Variants in SLC23A2 observed in about 807,000 individuals in gnomAD.
SLC23A2 encodes Na(+)/L-ascorbic acid transporter 2.
SLC23A2 carries 36 observed loss-of-function variants against 73.3 expected under a neutral mutation model. The ratio of observed to expected loss-of-function variants is 0.49; its 90% CI spans 0.38 to 0.65. SLC23A2 has a LOEUF of 0.65. Ranked by LOEUF, SLC23A2 falls within the 30% of genes least tolerant of loss-of-function variation. The pLI is 0.00. For missense variants in SLC23A2, 507 were observed against 841.6 expected (o/e 0.60, Z 4.92); for synonymous variants, 343 against 327.3 (o/e 1.05, Z -0.52).
intron 3 of SLC23A2, among the ~76,000 whole-genome samples, chr20:4,924,774 G>A (rs1932614725): frequency 6.6e-6 from 1 of 152,162 alleles, no homozygotes; most frequent in South Asian, 2.1e-4. Flanking sequence ...TTTCCTGGCC[G>A]CCTGAATTTT....
chr20:4,911,870 G>A (rs1407775644), intron 4 of SLC23A2, among the ~76,000 whole-genome samples: 2 of 151,724 alleles, frequency 1.3e-5, no homozygotes, highest in African/African-American at 2.4e-5. Context: ...TAGAGACAGG[G>A]TCTTACTCTG....
chr20:4,988,471 C>T (rs1208016449), intron 1 of SLC23A2, among the ~76,000 whole-genome samples: 4 of 151,942 alleles, frequency 2.6e-5, no homozygotes, highest in African/African-American at 9.7e-5. Context: ...GACACAGTGG[C>T]TCACACCTGT....
chr20:4,961,104 T>C (rs1388348261), intron 2 of SLC23A2, among the ~76,000 whole-genome samples: 1 of 149,702 alleles, frequency 6.7e-6, no homozygotes, highest in Non-Finnish European at 1.5e-5. Flanking sequence ...TTTTTTTTTC[T>C]TTTTCTTTTT....
intron 1 of SLC23A2, among the ~76,000 whole-genome samples, chr20:4,996,700 A>AAC (rs2088027129): frequency 7.0e-6 from 1 of 143,120 alleles, no homozygotes; most frequent in South Asian, 2.3e-4. Context: ...AAAAAAAAAA[A>AAC]AAAAAAAAAC....
At chr20:4,885,143 G>A (rs1486466339) in intron 7 of SLC23A2, among the ~76,000 whole-genome samples, 1 of 152,208 alleles carries the variant, frequency 6.6e-6, no homozygotes, top group East Asian at 1.9e-4. Flanking sequence ...CCGACAGCAA[G>A]GTTGCTGGAC....
Position 4,898,399 on chromosome 20 carries a change from C to T in SLC23A2, c.482+1156G>A, listed in dbSNP as rs141903611. Among the ~76,000 whole-genome samples, 1,052 of 152,348 alleles carry T rather than the reference C, an allele frequency of 6.9e-3. 10 individuals carry two copies. The highest frequency in any genetic ancestry group is 0.024 in the African/African-American group (984 of 41,584). On this transcript the variant is annotated intron_variant, in intron 6 of 16. Transcript: ENST00000338244. ...CCAAGGCTCCCCTATCCCCGTGCCG[C>T]GTTAGGGCAACCCTGAGGTCCCGAA...
At chr20:4,866,059 C>G (rs1476942360) in intron 13 of SLC23A2, among the ~76,000 whole-genome samples, 1 of 152,156 alleles carries the variant, frequency 6.6e-6, no homozygotes, top group Non-Finnish European at 1.5e-5. Flanking sequence ...TCTCGAACTC[C>G]TGACCTCAGG....
At chr20:4,973,388 G>C (rs2087594912) in intron 1 of SLC23A2, among the ~76,000 whole-genome samples, 1 of 152,194 alleles carries the variant, frequency 6.6e-6, no homozygotes, top group Non-Finnish European at 1.5e-5. Context: ...GAATGGGGAA[G>C]CGAAAGTACT....
At chr20:4,882,409 G>A (rs1241860402) in intron 9 of SLC23A2, among the ~76,000 whole-genome samples, 3 of 151,966 alleles carry the variant, frequency 2.0e-5, no homozygotes, top group Non-Finnish European at 4.4e-5. Flanking sequence ...CATGATGATG[G>A]GTATTCATGC....
In SLC23A2 at chr20:4,872,837, C is replaced by T. The variant is rs1254290180; in HGVS notation, c.1102+1099G>A. Among the ~76,000 whole-genome samples, 1 of 152,132 alleles carries T rather than the reference C, an allele frequency of 6.6e-6. No homozygotes were observed. The highest frequency in any genetic ancestry group is 1.5e-5 in the Non-Finnish European group (1 of 68,032). On this transcript the variant is annotated intron_variant, in intron 11 of 16. Transcript: ENST00000338244. The surrounding 1 kb of genome is among the most constrained non-coding windows in gnomAD (Gnocchi z 4.4). The stretch of plus-strand genomic sequence containing the variant: ...TGGCGCAATCTCGACTCACTGCAAC[C>T]TCCGCCTCCCAGATCCAAGCGATTC...
At chr20:4,912,046 C>T (rs1428596715) in intron 4 of SLC23A2, among the ~76,000 whole-genome samples, 1 of 148,180 alleles carries the variant, frequency 6.7e-6, no homozygotes, top group African/African-American at 2.5e-5. Context: ...GATCTTGCTA[C>T]GTTGCCCAGG....
chr20:4,913,839 CT>C (rs1568622043), intron 3 of SLC23A2, among the ~76,000 whole-genome samples: 3 of 151,794 alleles, frequency 2.0e-5, no homozygotes, highest in Non-Finnish European at 4.4e-5. Flanking sequence ...GTTGGTCAGG[CT>C]GGTCTCGAAC....
chr20:4,974,275 C>T (rs148904087), intron 1 of SLC23A2, among the ~76,000 whole-genome samples: 19 of 152,166 alleles, frequency 1.2e-4, no homozygotes, highest in African/African-American at 4.3e-4. Context: ...GTTGGTCAGC[C>T]TGACCAACAT....
intron 1 of SLC23A2, among the ~76,000 whole-genome samples, chr20:5,008,054 C>T (rs2088209817): frequency 6.6e-6 from 1 of 152,026 alleles, no homozygotes; most frequent in South Asian, 2.1e-4. Context: ...GGATTACAGG[C>T]ATGCGCCACC....
chr20:4,953,004 T>C (rs1459186637), intron 2 of SLC23A2, among the ~76,000 whole-genome samples: 8 of 133,378 alleles, frequency 6.0e-5, no homozygotes, highest in African/African-American at 2.0e-4. Context: ...ACCTGGGTGA[T>C]AGAACGAGAC....
chr20:5,003,353 C>T (rs1416571883), upstream of SLC23A2, among the ~76,000 whole-genome samples: 1 of 152,114 alleles, frequency 6.6e-6, no homozygotes, highest in East Asian at 1.9e-4. Context: ...CACCGCACTC[C>T]AGCCTGGGCG....
intron 2 of SLC23A2, among the ~76,000 whole-genome samples, chr20:4,941,851 T>C (rs1053687385): frequency 1.3e-5 from 2 of 152,080 alleles, no homozygotes; most frequent in Non-Finnish European, 2.9e-5. Context: ...AAAAGCAATA[T>C]ATATAATGAA....
chr20:5,006,582 T>TA (rs1568666827), intron 1 of SLC23A2, among the ~76,000 whole-genome samples: 1 of 151,358 alleles, frequency 6.6e-6, no homozygotes, highest in Non-Finnish European at 1.5e-5. Context: ...TTTATTTATT[T>TA]TGAGACGGAG....
At chr20:5,003,935 C>T (rs566677130), upstream of SLC23A2, among the ~76,000 whole-genome samples, 3 of 152,216 alleles carry the variant, frequency 2.0e-5, no homozygotes, top group East Asian at 3.9e-4. Flanking sequence ...TGTGATAATA[C>T]CACTGTTTCT....
Sources: allele counts gnomAD v4.1 joint callset (sites outside exome capture counted in the v4.1 genomes callset), GRCh38; gene constraint gnomAD v4.1.1; non-coding constraint Gnocchi (gnomAD v3.1); transcripts MANE v1.5; gene names NCBI Gene and HGNC (gene_info 2026-07-23, HGNC 2026-07-21).